The following TBL3 variants were observed in gnomAD, a reference collection of about 807,000 sequenced individuals.
TBL3 encodes the protein transducin beta-like protein 3.
TBL3 carries 71 observed loss-of-function variants against 102.7 expected under a neutral mutation model. The ratio of observed to expected loss-of-function variants is 0.69; its 90% CI spans 0.57 to 0.84. The LOEUF (loss-of-function observed/expected upper bound fraction) is 0.84, where lower values mean the gene tolerates loss of function less well. Ranked by LOEUF, TBL3 falls within the 40% of genes least tolerant of loss-of-function variation. TBL3 has a pLI of 0.00. For synonymous variants in TBL3, 578 were observed against 477.7 expected (o/e 1.21, Z -2.74); for missense variants, 1,188 against 1,098.5 (o/e 1.08, Z -1.15).
chr16:1,979,257 TCTC>T lies in TBL3; in HGVS notation c.*577_*579del, dbSNP rs2083443565. 3.3e-6 allele frequency: 5 copies of T among 1,527,506 alleles called. No homozygotes were observed. Among genetic ancestry groups the T allele is most frequent in the Middle Eastern group, 4.2e-4 (2 of 4,794 alleles). The allele number at this position is 1,527,506 out of a possible 1,614,324, so 94.6% of individuals were successfully genotyped here. On this transcript the variant is annotated 3_prime_UTR_variant, in exon 22 of 22. Coordinates refer to ENST00000568546, the MANE Select transcript of TBL3 (RefSeq NM_006453.3). ...GCCCCGGGCCTCACCCGCCGGGTCG[TCTC>T]CTCCACGGAACCCCGTCCCGCTCAG... is the stretch of plus-strand genomic sequence containing the variant.
rs1398583932 is a variant in TBL3 at position 1,981,331 on chromosome 16, C to A, written c.*2646C>A. The A allele has an allele frequency of 2.1e-6, 3 of 1,444,904 alleles. No individual in the cohort carries two copies. The highest frequency in any genetic ancestry group is 2.9e-5 in the South Asian group (2 of 69,336). The allele number at this position is 1,444,904 out of a possible 1,614,324, so 89.5% of individuals were successfully genotyped here. A position where few individuals can be genotyped will look rare whatever the true frequency, so the allele number is the denominator to read the frequency against. On this transcript the variant is annotated 3_prime_UTR_variant, in exon 22 of 22. Transcript: ENST00000568546. ...TGGGGTCCTTGTGGAGCCGCCCCAG[C>A]TGAGTCCTTTGCAGCTTTCTTGCTG...
chr16:1,981,025 G>A lies in TBL3; in HGVS notation c.*2340G>A. 6.2e-7 allele frequency: 1 copy of A among 1,613,292 alleles called. No individual in the cohort carries two copies. The highest frequency in any genetic ancestry group is 8.5e-7 in the Non-Finnish European group (1 of 1,179,920). On this transcript the variant is annotated 3_prime_UTR_variant, in exon 22 of 22. Transcript: ENST00000568546. ...CGCACAGAGAAGGCAAACGTCTGGG[G>A]GACAAAAAGTTGGGAGTGCCGTGGA...
Position 1,974,560 on chromosome 16 carries a change from C to T in TBL3, c.260C>T (p.Ala87Val), listed in dbSNP as rs753449265. ...CAGGTGCTGGTGACAGCCAGTCGGG[C>T]ATTGCTGCTGGCTCAGTGGGCCTGG... is the stretch of plus-strand genomic sequence containing the variant. The part of the protein sequence containing the change: ...DNEVLVTASR[A>V]LLLAQWAWQE... The change falls in exon 5 of 22, where the codon GCA (alanine) becomes GTA (valine). Residue 87 changes from alanine (A) to valine (V), a missense_variant. Ala to Val is a moderately conservative substitution (Grantham distance 64, BLOSUM62 0). Transcript: ENST00000568546. The T allele has an allele frequency of 1.2e-6, 2 of 1,609,442 alleles. No homozygotes were observed. The highest frequency in any genetic ancestry group is 1.7e-6 in the Non-Finnish European group (2 of 1,177,080).
At position 1,981,368 on chromosome 16, in the gene TBL3, C is replaced by T; in HGVS notation, c.*2683C>T. 1 of 1,389,894 alleles carries T rather than the reference C, an allele frequency of 7.2e-7. No individual in the cohort carries two copies. The highest frequency in any genetic ancestry group is 1.4e-5 in the African/African-American group (1 of 69,026). 86.1% of individuals were successfully genotyped at this position (1,389,894 alleles called of 1,614,324 possible). On this transcript the variant is annotated 3_prime_UTR_variant, in exon 22 of 22. Coordinates refer to ENST00000568546, the MANE Select transcript of TBL3 (RefSeq NM_006453.3). ...CAGCTTTCTTGCTGTCCCCCAAGCC[C>T]ACGATCTGGGGGCAGGAGCACAGGG...
chr16:1,981,159 T>G lies in TBL3; in HGVS notation c.*2474T>G. ...CCAGGGCTGCCCCTTGCACTGAAAC[T>G]GGGTATCGGGGGCCTGCCATGGCTG... On this transcript the variant is annotated 3_prime_UTR_variant, in exon 22 of 22. Coordinates refer to ENST00000568546, the MANE Select transcript of TBL3 (RefSeq NM_006453.3). The G allele has an allele frequency of 1.5e-5, 24 of 1,613,514 alleles. No homozygotes were observed. Among genetic ancestry groups the G allele is most frequent in the Non-Finnish European group, 2.0e-5 (24 of 1,180,008 alleles).
Position 1,980,811 on chromosome 16 carries a change from CAG to C in TBL3, c.*2127_*2128del. 6.7e-7 allele frequency: 1 copy of C among 1,494,608 alleles called. No homozygotes were observed. Among genetic ancestry groups the C allele is most frequent in the Non-Finnish European group, 9.1e-7 (1 of 1,092,954 alleles). The allele number at this position is 1,494,608 out of a possible 1,614,324, so 92.6% of individuals were successfully genotyped here. On this transcript the variant is annotated 3_prime_UTR_variant, in exon 22 of 22. Transcript: ENST00000568546. ...AGGGCGGGGTCCCTCACCCGGATGG[CAG>C]GGGCTGGGAGCTTCAGCAGGGACGA...
At position 1,977,850 on chromosome 16, in the gene TBL3, T is replaced by C. The variant is rs774682673; in HGVS notation, c.1958+50T>C. On this transcript the variant is annotated intron_variant, in intron 18 of 21. Coordinates refer to ENST00000568546, the MANE Select transcript of TBL3 (RefSeq NM_006453.3). Reference sequence around the variant, plus strand: ...TCCCCGCATCAGCCCTGCTCTGTGCTGTAGGGAAAACGAGGCTGAGTGCCA... The same window carrying C: ...TCCCCGCATCAGCCCTGCTCTGTGCCGTAGGGAAAACGAGGCTGAGTGCCA... The C allele has an allele frequency of 1.7e-5, 27 of 1,576,750 alleles. No individual in the cohort carries two copies. The South Asian group carries it at 3.0e-4, about 17-fold the overall frequency.
chr16:1,981,153 T>C lies in TBL3; in HGVS notation c.*2468T>C, dbSNP rs754622255. 2.5e-6 allele frequency: 4 copies of C among 1,613,438 alleles called. No homozygotes were observed. The highest frequency in any genetic ancestry group is 1.7e-5 in the Admixed American group (1 of 60,006). On this transcript the variant is annotated 3_prime_UTR_variant, in exon 22 of 22. Transcript: ENST00000568546. ...TCTGCACCAGGGCTGCCCCTTGCAC[T>C]GAAACTGGGTATCGGGGGCCTGCCA...
At chr16:1,972,339 G>A (rs2083366796) in intron 1 of TBL3, 134 bp downstream of exon 1, 3 of 997,038 alleles carry the variant, frequency 3.0e-6, no homozygotes, top group South Asian at 3.1e-5. Context: ...CCGCGGGGTC[G>A]CGGAGGCTGC....
In TBL3 at chr16:1,977,745, G is replaced by A. The variant is rs1175397056; in HGVS notation, c.1903G>A (p.Val635Met). The A allele has an allele frequency of 6.4e-7, 1 of 1,554,210 alleles. No individual in the cohort carries two copies. Among genetic ancestry groups the A allele is most frequent in the Admixed American group, 2.0e-5 (1 of 51,246 alleles). The change falls in exon 18 of 22, where the codon GTG (valine) becomes ATG (methionine). Residue 635 changes from valine (V) to methionine (M), a missense_variant. Val to Met is a conservative substitution (Grantham distance 21). Coordinates refer to ENST00000568546, the MANE Select transcript of TBL3 (RefSeq NM_006453.3). ...TCTGACCCTAGTCTAACCCCAGGAT[G>A]TGACCGAGGCGGAGCAGGCAGAGGA... ...SDSRVILWKD[V>M]TEAEQAEEQA... is the part of the protein sequence containing the mutation.
rs752343531 is a variant in TBL3, at chr16:1,974,916, G to A, written c.465-12G>A. Reference sequence around the variant, plus strand: ...CTGCACAGCTCACCCATCCTGTCCCGTCCGCCCACAGCCTAGTGGCCTTCC... The same window carrying A: ...CTGCACAGCTCACCCATCCTGTCCCATCCGCCCACAGCCTAGTGGCCTTCC... On this transcript the variant is annotated splice_polypyrimidine_tract_variant and intron_variant, in intron 6 of 21. Transcript: ENST00000568546. The A allele has an allele frequency of 7.2e-5, 116 of 1,611,970 alleles. No individual in the cohort carries two copies. The highest frequency in any genetic ancestry group is 1.6e-4 in the Middle Eastern group (1 of 6,078).
Position 1,974,274 on chromosome 16 carries a change from G to A in TBL3, c.171G>A (p.Val57=). ...TTCTGGAAGTGGCCTCGGGGGCCGT[G>A]CTGCGGAGTCTGGAGCAGGTGAGGG... ...VNILEVASGA[V]LRSLEQEDQE... The change falls in exon 3 of 22, where the codon GTG becomes GTA. Residue 57 remains valine, a synonymous_variant. Transcript: ENST00000568546. 6.3e-7 allele frequency: 1 copy of A among 1,599,180 alleles called. No individual in the cohort carries two copies. Among genetic ancestry groups the A allele is most frequent in the South Asian group, 1.1e-5 (1 of 89,140 alleles).
At position 1,980,805 on chromosome 16, in the gene TBL3, G is replaced by T; in HGVS notation, c.*2120G>T. Reference sequence around the variant, plus strand: ...CTTGAGAGGGCGGGGTCCCTCACCCGGATGGCAGGGGCTGGGAGCTTCAGC... The same window carrying T: ...CTTGAGAGGGCGGGGTCCCTCACCCTGATGGCAGGGGCTGGGAGCTTCAGC... On this transcript the variant is annotated 3_prime_UTR_variant, in exon 22 of 22. Transcript: ENST00000568546. 1 of 1,494,936 alleles carries T rather than the reference G, an allele frequency of 6.7e-7. No homozygotes were observed. The highest frequency in any genetic ancestry group is 9.1e-7 in the Non-Finnish European group (1 of 1,093,100). The allele number at this position is 1,494,936 out of a possible 1,614,324, so 92.6% of individuals were successfully genotyped here. A position where few individuals can be genotyped will look rare whatever the true frequency, so the allele number is the denominator to read the frequency against.
At position 1,979,384 on chromosome 16, in the gene TBL3, G is replaced by A; in HGVS notation, c.*699G>A. On this transcript the variant is annotated 3_prime_UTR_variant, in exon 22 of 22. Transcript: ENST00000568546. ...GCGGGGTGTGGTTAGGGCCCCGCCC[G>A]CCTCGGCTAGCCTGCCCTGCCCACG... 6.3e-7 allele frequency: 1 copy of A among 1,592,696 alleles called. No individual in the cohort carries two copies. Among genetic ancestry groups the A allele is most frequent in the Middle Eastern group, 1.7e-4 (1 of 6,002 alleles).
chr16:1,974,218 C>G lies in TBL3; in HGVS notation c.115C>G (p.Leu39Val). 6.2e-7 allele frequency: 1 copy of G among 1,601,258 alleles called. No individual in the cohort carries two copies. Among genetic ancestry groups the G allele is most frequent in the Admixed American group, 1.7e-5 (1 of 59,224 alleles). Residue 39 changes from leucine (L) to valine (V), a missense_variant, in exon 3 of 22, where the codon CTC (leucine) becomes GTC (valine). Leu to Val is a conservative substitution (Grantham distance 32). Coordinates refer to ENST00000568546, the MANE Select transcript of TBL3 (RefSeq NM_006453.3). ...CCAGCTGGACCAGACTGGCCAGCAC[C>G]TCTTCTGCGTCTGTGGCACCAGAGT... ...KAQLDQTGQHLFCVCGTRVNI... is the reference protein window; with the variant it reads ...KAQLDQTGQHVFCVCGTRVNI...
chr16:1,974,150 C>T (rs758717180), intron 2 of TBL3, 43 bp downstream of exon 2: 45 of 1,565,042 alleles, frequency 2.9e-5, no homozygotes, highest in South Asian at 9.4e-5. Context: ...AGCCAGAGGC[C>T]GCGGGGGGTG....
At position 1,979,522 on chromosome 16, in the gene TBL3, G is replaced by A. The variant is rs142869246; in HGVS notation, c.*837G>A. ...TCTGCGCGGCTGCTCTCGTAGGCGC[G>A]GGAAGCACAGAACTGGGGACCTGGT... On this transcript the variant is annotated 3_prime_UTR_variant, in exon 22 of 22. Transcript: ENST00000568546. The A allele has an allele frequency of 5.0e-6, 8 of 1,611,006 alleles. No individual in the cohort carries two copies. Among genetic ancestry groups the A allele is most frequent in the Admixed American group, 1.7e-5 (1 of 59,850 alleles).
chr16:1,978,864 C>T lies in TBL3; in HGVS notation c.*179C>T. The T allele has an allele frequency of 5.5e-6, 6 of 1,098,654 alleles. No individual in the cohort carries two copies. The highest frequency in any genetic ancestry group is 7.7e-6 in the Non-Finnish European group (6 of 779,218). The allele number at this position is 1,098,654 out of a possible 1,614,324, so 68.1% of individuals were successfully genotyped here. A position where few individuals can be genotyped will look rare whatever the true frequency, so the allele number is the denominator to read the frequency against. On this transcript the variant is annotated 3_prime_UTR_variant, in exon 22 of 22. Transcript: ENST00000568546. Reference sequence around the variant, plus strand: ...TCGGCCCTGCCACGCCCATCCCGCACCCTGGCCTGGCAGAGATCCAGCCCG... The same window carrying T: ...TCGGCCCTGCCACGCCCATCCCGCATCCTGGCCTGGCAGAGATCCAGCCCG...
At chr16:1,976,710 C>T in intron 13 of TBL3, 104 bp from the exon 14 acceptor site, 1 of 1,412,026 alleles carries the variant, frequency 7.1e-7, no homozygotes, top group Non-Finnish European at 9.7e-7. Flanking sequence ...CTGGGACAGG[C>T]CCCGTGGTCT....
Sources: allele counts gnomAD v4.1 joint callset, GRCh38; gene constraint gnomAD v4.1.1; transcripts MANE v1.5; gene names NCBI Gene and HGNC (gene_info 2026-07-23, HGNC 2026-07-21).